The following B4GALT1 variants were observed in gnomAD, a reference collection of about 807,000 sequenced individuals.
The protein encoded by B4GALT1 is N-acetyllactosamine synthase.
B4GALT1 carries 16 observed loss-of-function variants against 34.9 expected under a neutral mutation model. The ratio of observed to expected loss-of-function variants is 0.46; its 90% CI spans 0.31 to 0.70. B4GALT1 has a LOEUF of 0.70. Among genes scored for constraint, B4GALT1 ranks in the 30% least tolerant of loss-of-function variants. The probability of loss-of-function intolerance (pLI) is 0.05; values close to 1 mark genes in which losing one functional copy is unlikely to be tolerated. For missense variants in B4GALT1, 445 were observed against 530.5 expected (o/e 0.84, Z 1.58); for synonymous variants, 221 against 218.1 (o/e 1.01, Z -0.12).
At chr9:33,158,462 A>G (rs940385041) in intron 1 of B4GALT1, among the ~76,000 whole-genome samples, 3 of 151,944 alleles carry the variant, frequency 2.0e-5, no homozygotes, top group Non-Finnish European at 2.9e-5. Context: ...TTCTTTTATC[A>G]TCTTCAGCTC....
chr9:33,169,071 C>T (rs545210042), upstream of B4GALT1, among the ~76,000 whole-genome samples: 9 of 152,314 alleles, frequency 5.9e-5, 1 homozygote, highest in South Asian at 1.2e-3. Context: ...TAACCATCCT[C>T]GATCAAGCCA....
At chr9:33,122,082 C>T (rs1476678812) in intron 2 of B4GALT1, among the ~76,000 whole-genome samples, 1 of 152,202 alleles carries the variant, frequency 6.6e-6, no homozygotes, top group African/African-American at 2.4e-5. Context: ...ACTTTGGAAT[C>T]CTCATTCAAT....
chr9:33,126,627 C>T (rs1564040635), intron 2 of B4GALT1, among the ~76,000 whole-genome samples: 2 of 152,206 alleles, frequency 1.3e-5, no homozygotes, highest in African/African-American at 2.4e-5. Flanking sequence ...CATAGTTAAC[C>T]ATTGTTAACA....
intron 2 of B4GALT1, among the ~76,000 whole-genome samples, chr9:33,129,507 C>T (rs1429540319): frequency 6.6e-6 from 1 of 152,130 alleles, no homozygotes; most frequent in Non-Finnish European, 1.5e-5. Context: ...GTAGGGAGTC[C>T]TGAGACTAGG....
intron 1 of B4GALT1, among the ~76,000 whole-genome samples, chr9:33,147,391 G>A (rs1001322604): frequency 5.9e-5 from 9 of 151,980 alleles, no homozygotes; most frequent in Non-Finnish European, 1.2e-4. Context: ...GGGATTACAG[G>A]CACCTGCCAC....
At position 33,166,983 on chromosome 9, in the gene B4GALT1, C is replaced by A; in HGVS notation, c.187G>T (p.Gly63Cys). 5.7e-6 allele frequency: 9 copies of A among 1,587,880 alleles called. No individual in the cohort carries two copies. The highest frequency in any genetic ancestry group is 7.7e-6 in the Non-Finnish European group (9 of 1,173,748). The part of the protein sequence containing the change: ...LVGVSTPLQG[G>C]SNSAAAIGQS... ...CCGATGGCGGCGGCACTGTTCGAGC[C>A]GCCCTGCAGCGGTGTGGAGACTCCG... Residue 63 changes from glycine (G) to cysteine (C), a missense_variant, in exon 1 of 6, where the codon GGC becomes TGC. By Grantham distance (159) the Gly-to-Cys change is radical. Around this residue, in one of 3 missense-constraint regions of B4GALT1, gnomAD observed 349 missense variants for 395.5 expected, o/e 0.88. Transcript: ENST00000379731.
chr9:33,141,443 G>C (rs1840347877), intron 1 of B4GALT1, among the ~76,000 whole-genome samples: 3 of 152,106 alleles, frequency 2.0e-5, no homozygotes, highest in Admixed American at 1.3e-4. Context: ...CTTGAACCTG[G>C]GAGGTGAAGG....
Position 33,115,059 on chromosome 9 carries a change from G to T in B4GALT1, c.959+932C>A, listed in dbSNP as rs986457841. Among the ~76,000 whole-genome samples, 10 of 152,318 alleles carry T rather than the reference G, an allele frequency of 6.6e-5. No individual in the cohort carries two copies. The East Asian group carries it at 1.9e-3, about 29-fold the overall frequency. Reference sequence around the variant, plus strand: ...CTATGTCCAGGTTTTCAGTGTCCTGGGCCTGCCTGGCACAGTGCTCTGTAT... The same window carrying T: ...CTATGTCCAGGTTTTCAGTGTCCTGTGCCTGCCTGGCACAGTGCTCTGTAT... On this transcript the variant is annotated intron_variant, in intron 4 of 5. Coordinates refer to ENST00000379731, the MANE Select transcript of B4GALT1 (RefSeq NM_001497.4).
chr9:33,167,081 C>A lies in B4GALT1; in HGVS notation c.89G>T (p.Cys30Phe). 6.2e-7 allele frequency: 1 copy of A among 1,604,230 alleles called. No individual in the cohort carries two copies. Among genetic ancestry groups the A allele is most frequent in the Non-Finnish European group, 8.5e-7 (1 of 1,179,080 alleles). ...GAGGGTGACGCCAAGGTGCAGAGCG[C>A]AGACGGCCACGAGCAGGCGGCAGGC... ...QRACRLLVAV[C>F]ALHLGVTLVY... is the part of the protein sequence containing the mutation. Residue 30 changes from cysteine (C) to phenylalanine (F), a missense_variant, in exon 1 of 6, where the codon TGC (cysteine) becomes TTC (phenylalanine). Cys to Phe is a radical substitution (Grantham distance 205). Coordinates refer to ENST00000379731, the MANE Select transcript of B4GALT1 (RefSeq NM_001497.4).
At chr9:33,116,239 TA>T (rs1839936074) in intron 3 of B4GALT1, 126 bp from the exon 4 acceptor site, 2 of 1,170,130 alleles carry the variant, frequency 1.7e-6, no homozygotes, top group African/African-American at 2.8e-5. Flanking sequence ...AGTTTTTATT[TA>T]TTTTTTTTTT....
rs1270221443 is a variant in B4GALT1 at position 33,111,691 on chromosome 9, A to G, written c.*1763T>C. ...GGAGGGCAGTGGTTTGGGGTCCGCC[A>G]CGAGCACAAGGCTCAACCCTGGGAT... On this transcript the variant is annotated 3_prime_UTR_variant, in exon 6 of 6. Transcript: ENST00000379731. 2 of 152,738 alleles carry G rather than the reference A, an allele frequency of 1.3e-5. No individual in the cohort carries two copies. Among genetic ancestry groups the G allele is most frequent in the East Asian group, 1.9e-4 (1 of 5,208 alleles). 9.5% of individuals were successfully genotyped at this position (152,738 alleles called of 1,614,324 possible). A position where few individuals can be genotyped will look rare whatever the true frequency, so the allele number is the denominator to read the frequency against.
chr9:33,152,948 C>A (rs1840544527), intron 1 of B4GALT1, among the ~76,000 whole-genome samples: 1 of 152,116 alleles, frequency 6.6e-6, no homozygotes, highest in Non-Finnish European at 1.5e-5. Flanking sequence ...CCTATAGTCC[C>A]AGCTACTCAG....
intron 2 of B4GALT1, among the ~76,000 whole-genome samples, chr9:33,127,166 T>C (rs1202588555): frequency 2.0e-5 from 3 of 152,100 alleles, no homozygotes; most frequent in Non-Finnish European, 2.9e-5. Flanking sequence ...GGTTTCACCA[T>C]GTTAGCCAGG....
intron 2 of B4GALT1, among the ~76,000 whole-genome samples, chr9:33,134,118 C>G (rs1840232260): frequency 6.6e-6 from 1 of 152,200 alleles, no homozygotes; most frequent in Non-Finnish European, 1.5e-5. Context: ...CAGGGCAGGA[C>G]TGAGACCTTA....
At chr9:33,107,471 A>C (rs1344453255), downstream of B4GALT1, among the ~76,000 whole-genome samples, 1 of 151,278 alleles carries the variant, frequency 6.6e-6, no homozygotes, top group Non-Finnish European at 1.5e-5. Context: ...AGCAGCAAAC[A>C]TGTCTCGCCC....
chr9:33,180,118 G>C, the B4GALT1 span: 1 of 152,126 alleles, frequency 6.6e-6, no homozygotes, highest in African/African-American at 2.4e-5. Context: ...GCCCAGCCTG[G>C]TCTTGAACTC....
intron 1 of B4GALT1, among the ~76,000 whole-genome samples, chr9:33,143,813 A>G (rs1387906444): frequency 6.6e-6 from 1 of 152,092 alleles, no homozygotes; most frequent in Non-Finnish European, 1.5e-5. Context: ...AATGTGTAAC[A>G]TGTTTTGCTT....
In B4GALT1 at chr9:33,165,336, C is replaced by T. The variant is rs182119041; in HGVS notation, c.412+1422G>A. ...AAAACCCCTGTAAGGTAATCATCGA[C>T]AACCACATTTTACACAAGGAAGAGA... is the stretch of plus-strand genomic sequence containing the variant. On this transcript the variant is annotated intron_variant, in intron 1 of 5. Coordinates refer to ENST00000379731, the MANE Select transcript of B4GALT1 (RefSeq NM_001497.4). Among the ~76,000 whole-genome samples the T allele has an allele frequency of 2.6e-5, 4 of 152,218 alleles. No individual in the cohort carries two copies. The East Asian group carries it at 5.8e-4, about 22-fold the overall frequency.
intron 4 of B4GALT1, 57 bp downstream of exon 4, chr9:33,115,934 A>G: frequency 1.3e-6 from 2 of 1,583,796 alleles, no homozygotes; most frequent in South Asian, 1.1e-5. Flanking sequence ...AGCATTGGTT[A>G]AAAAACTGGA....
Sources: gnomAD v4.1 joint callset for allele counts (sites outside exome capture counted in the v4.1 genomes callset) on GRCh38, gnomAD v4.1.1 for gene constraint, gnomAD v4.1.1 regional missense constraint, MANE v1.5 for transcripts, NCBI Gene and HGNC (gene_info 2026-07-23, HGNC 2026-07-21) for gene names.